The following MOK variants were observed in gnomAD, a reference collection of about 807,000 sequenced individuals.
The protein encoded by MOK is MOK protein kinase.
MOK carries 59 observed loss-of-function variants against 54.2 expected under a neutral mutation model. The ratio of observed to expected loss-of-function variants is 1.09; its 90% CI spans 0.88 to 1.35. The LOEUF (loss-of-function observed/expected upper bound fraction) is 1.35, where lower values mean the gene tolerates loss of function less well. Ranked by LOEUF, MOK falls within the 40% of genes most tolerant of loss-of-function variation. The pLI is 0.00. For missense variants in MOK, 517 were observed against 526.2 expected (o/e 0.98, Z 0.17); for synonymous variants, 210 against 202.7 (o/e 1.04, Z -0.31).
In MOK at chr14:102,238,615, C is replaced by T. The variant is rs1046988027; in HGVS notation, c.591-4826G>A. Among the ~76,000 whole-genome samples, 2 of 152,064 alleles carry T rather than the reference C, an allele frequency of 1.3e-5. No homozygotes were observed. Among genetic ancestry groups the T allele is most frequent in the Non-Finnish European group, 2.9e-5 (2 of 68,002 alleles). ...CCTGCAGTCCAACCTCAGTACCCCC[C>T]ACTGAAAAAGCCTCATTACTATAAC... On this transcript the variant is annotated intron_variant, in intron 7 of 11. Coordinates refer to ENST00000361847, the MANE Select transcript of MOK (RefSeq NM_014226.3). This position sits in a 1 kb window ranked among gnomAD's most constrained non-coding sequence, Gnocchi z 4.8.
At chr14:102,225,886 G>C, downstream of MOK, 2 of 184,672 alleles carry the variant, frequency 1.1e-5, no homozygotes, top group South Asian at 2.1e-4. Context: ...AGCTTCCCTG[G>C]TACGATTTGG....
chr14:102,226,517 G>C (rs1056654082), downstream of MOK: 1 of 693,590 alleles, frequency 1.4e-6, no homozygotes. The surrounding 1 kb of genome is among the most constrained non-coding windows in gnomAD (Gnocchi z 4.8). Context: ...GGCCCCGCCG[G>C]GGCCCCGGCA....
intron 4 of MOK, among the ~76,000 whole-genome samples, chr14:102,257,489 T>G (rs1035370982): frequency 3.9e-5 from 6 of 152,110 alleles, no homozygotes; most frequent in African/African-American, 1.2e-4. Flanking sequence ...TAACCCCTCT[T>G]GAGTTAATCA....
At chr14:102,285,700 T>G (rs934510523) in intron 1 of MOK, among the ~76,000 whole-genome samples, 3 of 152,010 alleles carry the variant, frequency 2.0e-5, no homozygotes, top group Admixed American at 6.6e-5. Context: ...GAGACCAGTC[T>G]GGACAACATG....
chr14:102,251,425 G>T (rs994310769), intron 6 of MOK: 2 of 428,860 alleles, frequency 4.7e-6, no homozygotes, highest in African/African-American at 4.0e-5. Context: ...TAGTTTAGTG[G>T]CTTGGGAGTG....
rs2066481081 is a variant in MOK, at chr14:102,250,934, C to T, written c.468G>A (p.Gln156=). 6.2e-7 allele frequency: 1 copy of T among 1,614,156 alleles called. No homozygotes were observed. Among genetic ancestry groups the T allele is most frequent in the African/African-American group, 1.3e-5 (1 of 75,050 alleles). ...FGSCRSVYSK[Q]PYTEYISTRW... ...GGGTGGAGATGTATTCCGTGTACGGCTGCTTGGAATAGACACTCCGGCAGG... is the reference window on the plus strand; with the variant it reads ...GGGTGGAGATGTATTCCGTGTACGGTTGCTTGGAATAGACACTCCGGCAGG... The change falls in exon 7 of 12, where the codon CAG becomes CAA. Residue 156 remains glutamine, a synonymous_variant. Transcript: ENST00000361847.
downstream of MOK, among the ~76,000 whole-genome samples, chr14:102,226,908 C>T (rs778440164): frequency 2.0e-5 from 3 of 152,180 alleles, no homozygotes; most frequent in Non-Finnish European, 4.4e-5. This position sits in a 1 kb window ranked among gnomAD's most constrained non-coding sequence, Gnocchi z 4.8. Flanking sequence ...CTGCCCTGGG[C>T]CCTGGCGTGC....
chr14:102,280,988 T>G (rs1458030967), intron 2 of MOK, among the ~76,000 whole-genome samples: 2 of 152,090 alleles, frequency 1.3e-5, no homozygotes, highest in Non-Finnish European at 2.9e-5. Flanking sequence ...GCTCAGGAGT[T>G]CGAGACCAGC....
chr14:102,297,369 T>C lies in MOK; in HGVS notation c.7+7593A>G, dbSNP rs368365626. Among the ~76,000 whole-genome samples the C allele has an allele frequency of 9.4e-5, 14 of 149,276 alleles. No homozygotes were observed. The East Asian group carries it at 1.4e-3, about 14-fold the overall frequency. ...CAAGACTCCGTCTCAAAAATAATAA[T>C]AACAATAACAAATAAATAAACAAAT... On this transcript the variant is annotated intron_variant, in intron 1 of 11. Coordinates refer to ENST00000361847, the MANE Select transcript of MOK (RefSeq NM_014226.3).
At chr14:102,298,683 A>G (rs2071744706) in intron 1 of MOK, among the ~76,000 whole-genome samples, 1 of 152,202 alleles carries the variant, frequency 6.6e-6, no homozygotes, top group Non-Finnish European at 1.5e-5. Flanking sequence ...AGAGAATAAA[A>G]GCAGGCTGCC....
intron 2 of MOK, among the ~76,000 whole-genome samples, chr14:102,271,206 T>C (rs1397405788): frequency 6.6e-6 from 1 of 152,100 alleles, no homozygotes; most frequent in African/African-American, 2.4e-5. Flanking sequence ...AAGGAAATCA[T>C]CCTTCAATAA....
the MOK span, among the ~76,000 whole-genome samples, chr14:102,216,033 C>T: frequency 1.2e-4 from 19 of 152,306 alleles, 1 homozygote; most frequent in South Asian, 3.9e-3. Flanking sequence ...ACATCCAGGT[C>T]CCACTCAGCC....
chr14:102,276,239 C>T (rs913487203), intron 2 of MOK, among the ~76,000 whole-genome samples: 3 of 151,262 alleles, frequency 2.0e-5, no homozygotes, highest in African/African-American at 7.3e-5. Context: ...AATCCCAACA[C>T]TTTGGGAGGC....
chr14:102,291,002 C>G (rs949394457), intron 1 of MOK, among the ~76,000 whole-genome samples: 1 of 152,112 alleles, frequency 6.6e-6, no homozygotes, highest in Non-Finnish European at 1.5e-5. Context: ...CAAGTTTTCC[C>G]TGAATAAAAG....
Position 102,245,699 on chromosome 14 carries a change from A to G in MOK, c.590+5113T>C, listed in dbSNP as rs1285511482. 6.6e-6 allele frequency among the ~76,000 whole-genome samples: 1 copy of G among 152,112 alleles called. No homozygotes were observed. The highest frequency in any genetic ancestry group is 2.4e-5 in the African/African-American group (1 of 41,392). ...TTTCGGACTCAGCCCGCCTGCACCCAGGTGAAATAAATAGCCTTGTTGCTC... is the reference window on the plus strand; with the variant it reads ...TTTCGGACTCAGCCCGCCTGCACCCGGGTGAAATAAATAGCCTTGTTGCTC... On this transcript the variant is annotated intron_variant, in intron 7 of 11. Coordinates refer to ENST00000361847, the MANE Select transcript of MOK (RefSeq NM_014226.3). This position sits in a 1 kb window ranked among gnomAD's most constrained non-coding sequence, Gnocchi z 4.3.
intron 1 of MOK, among the ~76,000 whole-genome samples, chr14:102,286,778 C>T (rs1944966468): frequency 3.3e-5 from 5 of 151,958 alleles, no homozygotes; most frequent in Admixed American, 1.3e-4. Context: ...TAATGGGTGG[C>T]AGGTGCCTGT....
chr14:102,268,971 T>C (rs868189395), intron 2 of MOK, among the ~76,000 whole-genome samples: 1 of 152,038 alleles, frequency 6.6e-6, no homozygotes, highest in African/African-American at 2.4e-5. Context: ...TTTCATTTTA[T>C]TGGATGAATT....
In MOK at chr14:102,244,936, A is replaced by G. The variant is rs543767113; in HGVS notation, c.590+5876T>C. On this transcript the variant is annotated intron_variant, in intron 7 of 11. Coordinates refer to ENST00000361847, the MANE Select transcript of MOK (RefSeq NM_014226.3). ...GGTCTTTTAAAAACACACCTCACCAAACTCAGCCTCCAACTTAAAAAGGAG... is the reference window on the plus strand; with the variant it reads ...GGTCTTTTAAAAACACACCTCACCAGACTCAGCCTCCAACTTAAAAAGGAG... Among the ~76,000 whole-genome samples the G allele has an allele frequency of 8.5e-5, 13 of 152,104 alleles. No homozygotes were observed. In the East Asian group the frequency reaches 2.5e-3, roughly 29 times the overall value.
intron 7 of MOK, among the ~76,000 whole-genome samples, chr14:102,234,498 T>G (rs1326579283): frequency 1.3e-5 from 2 of 152,120 alleles, no homozygotes; most frequent in Non-Finnish European, 2.9e-5. Context: ...CTCTGGTTCC[T>G]CCGTTTCAGG....
Sources: gnomAD v4.1 joint callset for allele counts (sites outside exome capture counted in the v4.1 genomes callset) on GRCh38, gnomAD v4.1.1 for gene constraint, Gnocchi (gnomAD v3.1) non-coding constraint, MANE v1.5 for transcripts, NCBI Gene and HGNC (gene_info 2026-07-23, HGNC 2026-07-21) for gene names.